The following TMEM243 variants were observed in gnomAD, a reference collection of about 807,000 sequenced individuals.
TMEM243 encodes transmembrane protein 243.
TMEM243 carries 20 observed loss-of-function variants against 15.0 expected under a neutral mutation model. That is an observed-to-expected ratio of 1.33 (90% CI 0.94 to 1.93). The LOEUF (loss-of-function observed/expected upper bound fraction) is 1.93. Among genes scored for constraint, TMEM243 ranks in the 30% most tolerant of loss-of-function variants. The pLI is 0.00. For synonymous variants in TMEM243, 72 were observed against 52.7 expected (o/e 1.37, Z -1.59); for missense variants, 156 against 142.1 (o/e 1.10, Z -0.50).
chr7:87,198,029 G>C lies in TMEM243; in HGVS notation c.146C>G (p.Ala49Gly). The change falls in exon 3 of 4, where the codon GCT (alanine) becomes GGT (glycine). Residue 49 changes from alanine to glycine, a missense_variant. Physicochemically the swap from Ala to Gly is moderately conservative, Grantham distance 60. Coordinates refer to ENST00000257637, the MANE Select transcript of TMEM243 (RefSeq NM_024315.4). Reference sequence around the variant, plus strand: ...TGGAGGTAGTTGAGGGAAAACAAAAGCACTTATCAGCGTTACCTGTATGAA... The same window carrying C: ...TGGAGGTAGTTGAGGGAAAACAAAACCACTTATCAGCGTTACCTGTATGAA... Reference protein sequence around the residue: ...SLLILVTLISAFVFPQLPPKP... With the variant: ...SLLILVTLISGFVFPQLPPKP... The C allele has an allele frequency of 6.2e-7, 1 of 1,612,424 alleles. No homozygotes were observed. Among genetic ancestry groups the C allele is most frequent in the South Asian group, 1.1e-5 (1 of 90,994 alleles).
At chr7:87,197,730 A>C in intron 3 of TMEM243, 8 of 337,710 alleles carry the variant, frequency 2.4e-5, no homozygotes, top group Non-Finnish European at 2.1e-5. Flanking sequence ...CTATCAAGGG[A>C]GTGGAATTTC....
intron 1 of TMEM243, among the ~76,000 whole-genome samples, chr7:87,204,071 T>C (rs1802024187): frequency 6.6e-6 from 1 of 152,216 alleles, no homozygotes. Flanking sequence ...TGGCATACAG[T>C]GATAGGCACG....
At chr7:87,205,546 C>G (rs1227641895) in intron 1 of TMEM243, among the ~76,000 whole-genome samples, 8 of 152,300 alleles carry the variant, frequency 5.3e-5, no homozygotes, top group Non-Finnish European at 5.9e-5. Context: ...CCTAACTCAT[C>G]TCCCTCAAGT....
intron 1 of TMEM243, among the ~76,000 whole-genome samples, chr7:87,200,833 A>G (rs902874471): frequency 1.1e-4 from 16 of 152,144 alleles, no homozygotes; most frequent in Non-Finnish European, 1.2e-4. Flanking sequence ...CACCCAAAGA[A>G]CAACCTAGAG....
intron 1 of TMEM243, among the ~76,000 whole-genome samples, chr7:87,211,874 A>T (rs1802777691): frequency 6.6e-6 from 1 of 152,230 alleles, no homozygotes; most frequent in Admixed American, 6.5e-5. Context: ...ACCCATAGGT[A>T]CTACTGCTCT....
intron 1 of TMEM243, among the ~76,000 whole-genome samples, chr7:87,209,646 CAGTG>C (rs1254557117): frequency 0.013 from 588 of 45,996 alleles, 12 homozygotes; most frequent in Middle Eastern, 0.054. Flanking sequence ...GCGAGAGAGA[CAGTG>C]AGAGACAGAG....
At position 87,209,707 on chromosome 7, in the gene TMEM243, AGAGCGAGACACAGT is replaced by A. The variant is rs1286482510; in HGVS notation, c.78+9705_78+9718del. 9.4e-3 allele frequency among the ~76,000 whole-genome samples: 1,355 copies of A among 143,956 alleles called. 45 individuals carry two copies. The highest frequency in any genetic ancestry group is 0.017 in the East Asian group (84 of 4,964). 94.4% of individuals were successfully genotyped at this position (143,956 alleles called of 152,430 possible). A position where few individuals can be genotyped will look rare whatever the true frequency, so the allele number is the denominator to read the frequency against. On this transcript the variant is annotated intron_variant, in intron 1 of 3. Transcript: ENST00000257637. ...CACAGCGAGAGAGCGAGACACAGTG[AGAGCGAGACACAGT>A]GAGAGCGAGACACAGTGAGAGCGAG...
chr7:87,209,540 G>GAC (rs57607880), intron 1 of TMEM243, among the ~76,000 whole-genome samples: 1 of 55,476 alleles, frequency 1.8e-5, no homozygotes, highest in Non-Finnish European at 3.5e-5. Context: ...GAGAGAGAAA[G>GAC]TGAGAGACAA....
At chr7:87,205,598 C>T (rs1584530426) in intron 1 of TMEM243, among the ~76,000 whole-genome samples, 2 of 152,170 alleles carry the variant, frequency 1.3e-5, no homozygotes, top group African/African-American at 4.8e-5. Context: ...AAAGTGCCAC[C>T]AGTCTCTTTG....
At chr7:87,200,553 C>G (rs1584518832) in intron 1 of TMEM243, among the ~76,000 whole-genome samples, 1 of 152,142 alleles carries the variant, frequency 6.6e-6, no homozygotes, top group Non-Finnish European at 1.5e-5. Flanking sequence ...CAATAGAAGT[C>G]AAGCCAATAT....
chr7:87,216,257 G>C (rs899220030), intron 1 of TMEM243, among the ~76,000 whole-genome samples: 9 of 124,966 alleles, frequency 7.2e-5, no homozygotes, highest in Non-Finnish European at 1.3e-4. Flanking sequence ...CTGGGCAACA[G>C]AGTGAGACTC....
Position 87,196,739 on chromosome 7 carries a change from C to A in TMEM243, c.254G>T (p.Gly85Val). Reference protein sequence around the residue: ...ACILIYWYRQGDLEPKFRKLI... With the variant: ...ACILIYWYRQVDLEPKFRKLI... ...CTTTCTAAATTTCGGTTCTAAGTCT[C>A]CTTGTCGATACCAGTAGATCTAAAA... The change falls in exon 4 of 4, where the codon GGA (glycine) becomes GTA (valine). Residue 85 changes from glycine to valine, a missense_variant. Physicochemically the swap from Gly to Val is moderately radical, Grantham distance 109 (BLOSUM62 -3). Coordinates refer to ENST00000257637, the MANE Select transcript of TMEM243 (RefSeq NM_024315.4). 1 of 1,583,918 alleles carries A rather than the reference C, an allele frequency of 6.3e-7. No individual in the cohort carries two copies. Among genetic ancestry groups the A allele is most frequent in the South Asian group, 1.1e-5 (1 of 88,370 alleles).
Position 87,219,484 on chromosome 7 carries a change from C to T in TMEM243, c.20G>A (p.Arg7Lys), listed in dbSNP as rs749256587. MEDFAT[R>K]TYGTSGLDNR... ...GTCCAGGCCACTGGTGCCGTAGGTC[C>T]TGGTAGCAAAGTCCTCCATTTTGGG... The change falls in exon 1 of 4, where the codon AGG (arginine) becomes AAG (lysine). Residue 7 changes from arginine (R) to lysine (K), a missense_variant. Transcript: ENST00000257637. 61 of 1,614,228 alleles carry T rather than the reference C, an allele frequency of 3.8e-5. No individual in the cohort carries two copies. In the South Asian group the frequency reaches 6.3e-4, roughly 17 times the overall value.
At chr7:87,212,786 T>C (rs1802844155) in intron 1 of TMEM243, among the ~76,000 whole-genome samples, 1 of 152,260 alleles carries the variant, frequency 6.6e-6, no homozygotes, top group Non-Finnish European at 1.5e-5. Flanking sequence ...AAACTTAATA[T>C]ACATGAAATC....
intron 3 of TMEM243, among the ~76,000 whole-genome samples, chr7:87,197,330 C>A (rs1801377189): frequency 6.6e-6 from 1 of 151,788 alleles, no homozygotes; most frequent in Admixed American, 6.6e-5. Context: ...ATTGTTTTTT[C>A]TTTTGATTCT....
intron 1 of TMEM243, 192 bp from the exon 2 acceptor site, chr7:87,199,249 G>A: frequency 2.1e-6 from 1 of 470,310 alleles, no homozygotes; most frequent in Non-Finnish European, 3.7e-6. Context: ...TTGGGAAAAT[G>A]GCCAACTGGG....
chr7:87,219,447 CAG>C lies in TMEM243; in HGVS notation c.55_56del (p.Leu19ValfsTer53), dbSNP rs1562892071. 1 of 1,614,254 alleles carries C rather than the reference CAG, an allele frequency of 6.2e-7. No individual in the cohort carries two copies. Reference sequence around the variant, plus strand: ...TCACCTTGGCGGACGTCTCCCCAAACAGAGGTCTGTTGTCCAGGCCACTGGTG... The same window carrying C: ...TCACCTTGGCGGACGTCTCCCCAAACAGGTCTGTTGTCCAGGCCACTGGTG... ...YGTSGLDNRP[L>X]FGETSAKDRI... On this transcript the variant is annotated frameshift_variant, in exon 1 of 4. Coordinates refer to ENST00000257637, the MANE Select transcript of TMEM243 (RefSeq NM_024315.4). LOFTEE classifies it high-confidence loss of function.
At position 87,196,654 on chromosome 7, in the gene TMEM243, G is replaced by A; in HGVS notation, c.339C>T (p.Phe113=). The part of the protein sequence containing the change: ...IMLCICANLY[F]HDVGR ...GGCAGCCTCACCTTCCCACATCATG[G>A]AAGTACAGGTTTGCACATATACACA... The change falls in exon 4 of 4, where the codon TTC becomes TTT. Residue 113 remains phenylalanine (F), a synonymous_variant. Transcript: ENST00000257637. The A allele has an allele frequency of 6.2e-7, 1 of 1,608,654 alleles. No individual in the cohort carries two copies. The highest frequency in any genetic ancestry group is 2.2e-5 in the East Asian group (1 of 44,650).
chr7:87,199,364 A>G (rs1801617212), intron 1 of TMEM243: 1 of 289,956 alleles, frequency 3.4e-6, no homozygotes, highest in Middle Eastern at 9.6e-4. Context: ...TGAGGATAGC[A>G]TAAGCCAAAG....
Sources: allele counts gnomAD v4.1 joint callset (sites outside exome capture counted in the v4.1 genomes callset), GRCh38; gene constraint gnomAD v4.1.1; transcripts MANE v1.5; gene names NCBI Gene and HGNC (gene_info 2026-07-23, HGNC 2026-07-21).